Variants in PODNL1 observed in about 807,000 individuals in gnomAD.
PODNL1 encodes the protein podocan like 1.
PODNL1 carries 50 observed loss-of-function variants against 45.1 expected under a neutral mutation model. The ratio of observed to expected loss-of-function variants is 1.11; its 90% CI spans 0.88 to 1.40. The LOEUF (loss-of-function observed/expected upper bound fraction) is 1.40. PODNL1 is among the 40% of genes most tolerant of loss of function. The pLI is 0.00. For missense variants in PODNL1, 788 were observed against 793.3 expected (o/e 0.99, Z 0.08); for synonymous variants, 406 against 372.5 (o/e 1.09, Z -1.04).
At chr19:13,950,990 A>G (rs1030138447) in intron 1 of PODNL1, among the ~76,000 whole-genome samples, 3 of 147,796 alleles carry the variant, frequency 2.0e-5, no homozygotes, top group African/African-American at 5.0e-5. Context: ...TGAAGGGTGC[A>G]GTGAGTTGAG....
chr19:13,941,580 G>A (rs978903113), upstream of PODNL1, among the ~76,000 whole-genome samples: 1 of 152,094 alleles, frequency 6.6e-6, no homozygotes, highest in African/African-American at 2.4e-5. Flanking sequence ...GGAGGCTGAG[G>A]TGGGCAGATC....
At chr19:13,952,349 G>A in intron 1 of PODNL1, 1 of 1,035,994 alleles carries the variant, frequency 9.7e-7, no homozygotes. Flanking sequence ...GGCTGTTACT[G>A]TCGCTACCAA....
chr19:13,932,895 G>T lies in PODNL1; in HGVS notation c.1328C>A (p.Ala443Asp), dbSNP rs1972051071. ...GAGCTCCCGCAGTTGGTCCAGGCCG[G>T]CCAGAGGCTCGGGCTCGAGCATCCG... ...QLRMLEPEPL[A>D]GLDQLRELSL... The change falls in exon 8 of 10, where the codon GCC becomes GAC. Residue 443 changes from alanine to aspartate, a missense_variant. Transcript: ENST00000588872. 5.0e-6 allele frequency: 8 copies of T among 1,602,028 alleles called. No individual in the cohort carries two copies. The highest frequency in any genetic ancestry group is 6.0e-6 in the Non-Finnish European group (7 of 1,175,094).
chr19:13,939,096 CT>C, upstream of PODNL1, among the ~76,000 whole-genome samples: 1 of 152,340 alleles, frequency 6.6e-6, no homozygotes, highest in East Asian at 1.9e-4. Flanking sequence ...CAGACAGGTC[CT>C]TCTCCTGCCC....
Position 13,937,968 on chromosome 19 carries a change from G to C in PODNL1, c.42C>G (p.Pro14=). 1 of 1,541,344 alleles carries C rather than the reference G, an allele frequency of 6.5e-7. No individual in the cohort carries two copies. Among genetic ancestry groups the C allele is most frequent in the Non-Finnish European group, 8.8e-7 (1 of 1,140,114 alleles). The change falls in exon 2 of 10, where the codon CCC becomes CCG. Residue 14 remains proline (P), a synonymous_variant. Coordinates refer to ENST00000588872, the MANE Select transcript of PODNL1 (RefSeq NM_001370095.3). ...SLLLLLLLPG[P]PPVAGLEDAA... Reference sequence around the variant, plus strand: ...CGTCTTCCAAGCCGGCGACGGGCGGGGGCCCCGGCAACAGCAGGAGCAGCA... The same window carrying C: ...CGTCTTCCAAGCCGGCGACGGGCGGCGGCCCCGGCAACAGCAGGAGCAGCA...
chr19:13,937,882 C>A lies in PODNL1; in HGVS notation c.128G>T (p.Cys43Phe). 1 of 1,582,054 alleles carries A rather than the reference C, an allele frequency of 6.3e-7. No homozygotes were observed. Among genetic ancestry groups the A allele is most frequent in the Non-Finnish European group, 8.6e-7 (1 of 1,165,404 alleles). ...CACAGTGTCGACTCGGGGGCAGGAG[C>A]AGCGCAGGGGACAGGCCCGGGGCAG... Reference protein sequence around the residue: ...QPLPRACPLRCSCPRVDTVDC... With the variant: ...QPLPRACPLRFSCPRVDTVDC... Residue 43 changes from cysteine (C) to phenylalanine (F), a missense_variant, in exon 2 of 10, where the codon TGC becomes TTC. By Grantham distance (205) the Cys-to-Phe change is radical. Coordinates refer to ENST00000588872, the MANE Select transcript of PODNL1 (RefSeq NM_001370095.3).
At position 13,938,275 on chromosome 19, in the gene PODNL1, A is replaced by G; in HGVS notation, c.-94T>C. On this transcript the variant is annotated 5_prime_UTR_variant, in exon 1 of 10. Transcript: ENST00000588872. Reference sequence around the variant, plus strand: ...ACCTCCTGGAGCCTCTGCTGTGGCCACCACCGCCCCCCATCTCCAGACCCA... The same window carrying G: ...ACCTCCTGGAGCCTCTGCTGTGGCCGCCACCGCCCCCCATCTCCAGACCCA... The G allele has an allele frequency of 6.6e-7, 1 of 1,508,948 alleles. No individual in the cohort carries two copies. Among genetic ancestry groups the G allele is most frequent in the Non-Finnish European group, 8.8e-7 (1 of 1,129,998 alleles). 93.5% of individuals were successfully genotyped at this position (1,508,948 alleles called of 1,614,324 possible).
chr19:13,934,498 A>AGTGTGTGTGTGTGTGTGTGT, intron 5 of PODNL1, 88 bp from the exon 6 acceptor site: 1 of 979,646 alleles, frequency 1.0e-6, no homozygotes, highest in Non-Finnish European at 1.4e-6. Context: ...GGTCGCCTTC[A>AGTGTGTGTGTGTGTGTGTGT]GTGTGTGTGT....
intron 4 of PODNL1, 60 bp downstream of exon 4, chr19:13,935,920 C>A: frequency 6.5e-7 from 1 of 1,542,492 alleles, no homozygotes; most frequent in Non-Finnish European, 8.8e-7. Flanking sequence ...ACACCCTGGG[C>A]TGAGTGACTG....
chr19:13,934,616 G>T (rs1372058633), intron 5 of PODNL1, among the ~76,000 whole-genome samples: 1 of 151,924 alleles, frequency 6.6e-6, no homozygotes, highest in African/African-American at 2.4e-5. Flanking sequence ...GTGCATGTGT[G>T]TTGTATGAAT....
chr19:13,952,098 G>A (rs1384728493), intron 1 of PODNL1, among the ~76,000 whole-genome samples: 1 of 152,228 alleles, frequency 6.6e-6, no homozygotes, highest in Non-Finnish European at 1.5e-5. Context: ...GACCGGGCGC[G>A]GGCAGCCCGG....
intron 8 of PODNL1, 149 bp downstream of exon 8, chr19:13,932,649 C>T (rs1230196603): frequency 1.3e-6 from 2 of 1,544,654 alleles, no homozygotes; most frequent in Non-Finnish European, 1.8e-6. Context: ...AGCCACCTCA[C>T]CCAGCCTCCT....
upstream of PODNL1, chr19:13,938,543 A>G (rs1376989075): frequency 1.0e-6 from 1 of 1,002,924 alleles, no homozygotes; most frequent in East Asian, 6.6e-5. Context: ...GGTATTTGGG[A>G]CGACCGCAGG....
chr19:13,936,143 G>A (rs1032856069), intron 3 of PODNL1, 99 bp from the exon 4 acceptor site: 5 of 1,151,336 alleles, frequency 4.3e-6, no homozygotes, highest in Non-Finnish European at 6.3e-6. Flanking sequence ...CCGGGGAACT[G>A]GCAGAGGCTC....
chr19:13,936,129 T>C (rs967141310), intron 3 of PODNL1, 85 bp from the exon 4 acceptor site: 14 of 1,267,348 alleles, frequency 1.1e-5, no homozygotes, highest in Non-Finnish European at 1.6e-5. Context: ...CCCAGGACTC[T>C]CGGCCGGGGA....
chr19:13,936,344 G>T, intron 3 of PODNL1, 23 bp downstream of exon 3: 1 of 1,593,124 alleles, frequency 6.3e-7, no homozygotes, highest in East Asian at 2.2e-5. Flanking sequence ...CCCCAGAGAG[G>T]CCGCCTCCCT....
chr19:13,952,911 T>A, intron 1 of PODNL1: 1 of 792,806 alleles, frequency 1.3e-6, no homozygotes, highest in Non-Finnish European at 1.9e-6. Flanking sequence ...GGGAGGGGGC[T>A]CGGAGGGAGG....
At chr19:13,946,611 G>A (rs1349047122) in intron 1 of PODNL1, among the ~76,000 whole-genome samples, 1 of 152,112 alleles carries the variant, frequency 6.6e-6, no homozygotes, top group Non-Finnish European at 1.5e-5. Flanking sequence ...CTATTTACCT[G>A]CCCCATCCTG....
chr19:13,933,176 C>T lies in PODNL1; in HGVS notation c.1047G>A (p.Leu349=), dbSNP rs1490869494. The T allele has an allele frequency of 1.3e-6, 2 of 1,532,996 alleles. No homozygotes were observed. Among genetic ancestry groups the T allele is most frequent in the African/African-American group, 1.4e-5 (1 of 73,006 alleles). The allele number at this position is 1,532,996 out of a possible 1,614,324, so 95.0% of individuals were successfully genotyped here. A position where few individuals can be genotyped will look rare whatever the true frequency, so the allele number is the denominator to read the frequency against. The change falls in exon 8 of 10, where the codon CTG becomes CTA. Residue 349 remains leucine (L), a synonymous_variant. Transcript: ENST00000588872. This position sits in a 1 kb window ranked among gnomAD's most constrained non-coding sequence, Gnocchi z 5.2. The part of the protein sequence containing the change: ...GNGLDRVPPA[L]PRRLRALVLP... ...GCACCAGGGCACGCAGGCGGCGGGG[C>T]AGGGCTGGAGGCACGCGGTCCAGCC...
Sources: gnomAD v4.1 joint callset for allele counts (sites outside exome capture counted in the v4.1 genomes callset) on GRCh38, gnomAD v4.1.1 for gene constraint, Gnocchi (gnomAD v3.1) non-coding constraint, MANE v1.5 for transcripts, NCBI Gene and HGNC (gene_info 2026-07-23, HGNC 2026-07-21) for gene names.